Variants in NRG3 observed in about 807,000 individuals in gnomAD.
NRG3 encodes neuregulin 3, also known as pro-neuregulin-3, membrane-bound isoform.
NRG3 carries 31 observed loss-of-function variants against 66.9 expected under a neutral mutation model. That is an observed-to-expected ratio of 0.46 (90% CI 0.35 to 0.63). The LOEUF (loss-of-function observed/expected upper bound fraction) is 0.63. Among genes scored for constraint, NRG3 ranks in the 20% least tolerant of loss-of-function variants. The pLI is 0.00. For missense variants in NRG3, 910 were observed against 878.9 expected (o/e 1.04, Z -0.45); for synonymous variants, 393 against 359.4 (o/e 1.09, Z -1.06).
At chr10:82,009,953 A>T (rs1200915780) in intron 1 of NRG3, among the ~76,000 whole-genome samples, 1 of 152,154 alleles carries the variant, frequency 6.6e-6, no homozygotes, top group African/African-American at 2.4e-5. Context: ...ATTTTTCATT[A>T]CTCAGTGAAA....
intron 2 of NRG3, among the ~76,000 whole-genome samples, chr10:82,362,160 T>C (rs1371455079): frequency 1.3e-5 from 2 of 150,168 alleles, no homozygotes; most frequent in East Asian, 3.9e-4. Flanking sequence ...GGGACATGTT[T>C]GTTTCTTCAT....
At chr10:82,435,652 G>A (rs1229878756) in intron 2 of NRG3, among the ~76,000 whole-genome samples, 1 of 151,518 alleles carries the variant, frequency 6.6e-6, no homozygotes, top group Non-Finnish European at 1.5e-5. Context: ...TTGTCTCTTT[G>A]TTCTCATTGG....
At chr10:82,556,170 G>A (rs1169016432) in intron 2 of NRG3, among the ~76,000 whole-genome samples, 2 of 152,094 alleles carry the variant, frequency 1.3e-5, no homozygotes, top group Non-Finnish European at 2.9e-5. Context: ...CTCTCAGGCT[G>A]TATTTCACAA....
intron 2 of NRG3, among the ~76,000 whole-genome samples, chr10:82,408,085 C>CAGAAAGAAAGAAAGAAGGAAAGAA (rs2087717041): frequency 1.3e-5 from 1 of 74,860 alleles, no homozygotes; most frequent in African/African-American, 6.1e-5. Flanking sequence ...GAGAGAGAGA[C>CAGAAAGAAAGAAAGAAGGAAAGAA]AGAAAGAAAG....
intron 1 of NRG3, among the ~76,000 whole-genome samples, chr10:82,240,397 T>C (rs562874023): frequency 6.6e-6 from 1 of 152,326 alleles, no homozygotes; most frequent in Non-Finnish European, 1.5e-5. Context: ...TGTTTTATTA[T>C]AGCATTATAT....
rs534225605 is a variant in NRG3, at chr10:82,328,890, A to G, written c.824-29849A>G. ...TTTGTCCCTGAAGTTTGCCTCATCC[A>G]TGCTTATTTTTAGAAAGCCATAGAT... On this transcript the variant is annotated intron_variant, in intron 1 of 8. Transcript: ENST00000372141. 2.7e-4 allele frequency among the ~76,000 whole-genome samples: 41 copies of G among 152,342 alleles called. No homozygotes were observed. In the South Asian group the frequency reaches 8.1e-3, roughly 30 times the overall value.
intron 3 of NRG3, among the ~76,000 whole-genome samples, chr10:82,752,487 A>G (rs977838046): frequency 2.0e-5 from 3 of 152,132 alleles, no homozygotes; most frequent in African/African-American, 7.2e-5. Context: ...TCTAGCAATG[A>G]TCTAGCTTTT....
chr10:82,306,945 A>G (rs920988475), intron 1 of NRG3, among the ~76,000 whole-genome samples: 1 of 152,002 alleles, frequency 6.6e-6, no homozygotes, highest in African/African-American at 2.4e-5. Flanking sequence ...CCAGTCTTTA[A>G]AATACTTGAT....
chr10:82,075,212 T>C (rs1179333649), intron 1 of NRG3, among the ~76,000 whole-genome samples: 1 of 152,204 alleles, frequency 6.6e-6, no homozygotes, highest in Non-Finnish European at 1.5e-5. Context: ...TTTTCTTATG[T>C]ATATGTTGGA....
intron 1 of NRG3, among the ~76,000 whole-genome samples, chr10:82,139,504 A>G (rs1164944517): frequency 1.3e-5 from 2 of 152,144 alleles, no homozygotes; most frequent in African/African-American, 4.8e-5. Flanking sequence ...ATTGTACTGA[A>G]CTGACTAGAT....
At chr10:82,333,241 C>T (rs2082226361) in intron 1 of NRG3, among the ~76,000 whole-genome samples, 2 of 152,152 alleles carry the variant, frequency 1.3e-5, no homozygotes. Context: ...AGGATCTCCC[C>T]AGTGGGCTGC....
At chr10:81,918,988 C>G (rs983291028) in intron 1 of NRG3, among the ~76,000 whole-genome samples, 1 of 150,918 alleles carries the variant, frequency 6.6e-6, no homozygotes, top group Non-Finnish European at 1.5e-5. Flanking sequence ...CACACACACA[C>G]ACACACATAC....
At chr10:82,215,963 C>CTTT (rs71894841) in intron 1 of NRG3, among the ~76,000 whole-genome samples, 4,889 of 88,840 alleles carry the variant, frequency 0.055, 343 homozygotes, top group East Asian at 0.13. Flanking sequence ...TTATGTTTTC[C>CTTT]TTTTTTTTTT....
chr10:82,202,462 G>T (rs182273971), intron 1 of NRG3, among the ~76,000 whole-genome samples: 5 of 152,154 alleles, frequency 3.3e-5, no homozygotes, highest in African/African-American at 1.2e-4. Context: ...CGTAAGAGTC[G>T]TTGCCACTTT....
chr10:82,583,083 A>G (rs888239256), intron 2 of NRG3, among the ~76,000 whole-genome samples: 10 of 152,188 alleles, frequency 6.6e-5, no homozygotes, highest in Admixed American at 1.3e-4. Flanking sequence ...AAATGTTTCA[A>G]TGGTTTTAAT....
rs574329169 is a variant in NRG3 at position 82,567,556 on chromosome 10, C to T, written c.954-171021C>T. On this transcript the variant is annotated intron_variant, in intron 2 of 8. Transcript: ENST00000372141. ...TCCTCTGTGTGTATAGGTAGTTACACTTGACATTTGCTTTGCTTGTTCAAA... is the reference window on the plus strand; with the variant it reads ...TCCTCTGTGTGTATAGGTAGTTACATTTGACATTTGCTTTGCTTGTTCAAA... 2.6e-5 allele frequency among the ~76,000 whole-genome samples: 4 copies of T among 152,080 alleles called. No individual in the cohort carries two copies. The East Asian group carries it at 7.8e-4, about 30-fold the overall frequency.
intron 1 of NRG3, among the ~76,000 whole-genome samples, chr10:82,118,465 A>T (rs1211353142): frequency 1.3e-5 from 2 of 152,006 alleles, no homozygotes; most frequent in Non-Finnish European, 2.9e-5. Context: ...ATGACTGTAG[A>T]TGTTTTTCTT....
At chr10:82,261,009 C>A (rs60128715) in intron 1 of NRG3, among the ~76,000 whole-genome samples, 16,638 of 152,034 alleles carry the variant, frequency 0.11, 1,928 homozygotes, top group African/African-American at 0.28. Flanking sequence ...TTAATACCAT[C>A]CCCTTGGTGA....
At chr10:82,467,607 C>G (rs1459715020) in intron 2 of NRG3, among the ~76,000 whole-genome samples, 2 of 152,126 alleles carry the variant, frequency 1.3e-5, no homozygotes, top group Non-Finnish European at 2.9e-5. Flanking sequence ...CAAGGGGCCC[C>G]AGGACCCTAA....
Sources: allele counts gnomAD v4.1 joint callset (sites outside exome capture counted in the v4.1 genomes callset), GRCh38; gene constraint gnomAD v4.1.1; transcripts MANE v1.5; gene names NCBI Gene and HGNC (gene_info 2026-07-23, HGNC 2026-07-21).